Variants in UNC5D observed in about 807,000 individuals in gnomAD.
UNC5D encodes unc-5 netrin receptor D, also known as netrin receptor UNC5D.
UNC5D carries 39 observed loss-of-function variants against 105.4 expected under a neutral mutation model. That is an observed-to-expected ratio of 0.37 (90% CI 0.29 to 0.48). The LOEUF is 0.48. UNC5D is among the 20% of genes least tolerant of loss of function. UNC5D has a pLI of 0.98. For synonymous variants in UNC5D, 452 were observed against 450.4 expected, an observed-to-expected ratio of 1.00 and a Z score of -0.04; for missense variants, 991 against 1,202.4, an observed-to-expected ratio of 0.82 and a Z score of 2.60.
At chr8:35,298,555 C>T (rs1199230465) in intron 1 of UNC5D, among the ~76,000 whole-genome samples, 2 of 139,726 alleles carry the variant, frequency 1.4e-5, no homozygotes, top group Non-Finnish European at 3.1e-5. Flanking sequence ...AGATTGATTA[C>T]TTAGGCTTTT....
In UNC5D at chr8:35,372,017, G is replaced by A. The variant is rs551743463; in HGVS notation, c.103+136130G>A. On this transcript the variant is annotated intron_variant, in intron 1 of 16. Transcript: ENST00000404895. The stretch of plus-strand genomic sequence containing the variant: ...TCTTTGATCTTAGCCTCTGATCTGC[G>A]TCTAGCTACTCCCTGTACTTTTCCC... Among the ~76,000 whole-genome samples the A allele has an allele frequency of 3.3e-5, 5 of 152,086 alleles. 1 individual carries two copies. The highest frequency in any genetic ancestry group is 3.3e-4 in the Admixed American group (5 of 15,256).
chr8:35,337,728 T>A (rs1202077007), intron 1 of UNC5D, among the ~76,000 whole-genome samples: 3 of 151,974 alleles, frequency 2.0e-5, no homozygotes, highest in Non-Finnish European at 4.4e-5. Flanking sequence ...TCTATGCAAC[T>A]ATAGACTGAC....
At chr8:35,363,624 T>C (rs1160697433) in intron 1 of UNC5D, among the ~76,000 whole-genome samples, 1 of 152,254 alleles carries the variant, frequency 6.6e-6, no homozygotes, top group South Asian at 2.1e-4. Context: ...GGAGGCACAA[T>C]CTTAATTTGT....
intron 1 of UNC5D, among the ~76,000 whole-genome samples, chr8:35,457,913 A>AT (rs1402828834): frequency 6.6e-6 from 1 of 152,134 alleles, no homozygotes; most frequent in Non-Finnish European, 1.5e-5. Flanking sequence ...TTTCTACACA[A>AT]TCCCAAATGA....
At chr8:35,308,920 C>T (rs1451047470) in intron 1 of UNC5D, among the ~76,000 whole-genome samples, 3 of 152,048 alleles carry the variant, frequency 2.0e-5, no homozygotes, top group Admixed American at 6.6e-5. Context: ...AATCATCATG[C>T]TATGAAACTT....
chr8:35,745,883 C>CT (rs910532561), intron 11 of UNC5D, among the ~76,000 whole-genome samples: 8 of 151,844 alleles, frequency 5.3e-5, no homozygotes, highest in African/African-American at 1.2e-4. Context: ...AATGTGTTAC[C>CT]TTTTTTTTCC....
At chr8:35,569,664 A>G (rs757095122) in intron 3 of UNC5D, among the ~76,000 whole-genome samples, 2 of 152,186 alleles carry the variant, frequency 1.3e-5, no homozygotes. Context: ...TTAGCCAACA[A>G]TTATTTTATG....
intron 16 of UNC5D, among the ~76,000 whole-genome samples, chr8:35,775,918 G>A (rs56860408): frequency 0.04 from 6,145 of 152,254 alleles, 415 homozygotes; most frequent in African/African-American, 0.14. Context: ...GTTTGAAAAG[G>A]CATATATTGA....
chr8:35,666,144 T>C (rs1285318610), intron 4 of UNC5D, among the ~76,000 whole-genome samples: 1 of 152,066 alleles, frequency 6.6e-6, no homozygotes, highest in Admixed American at 6.6e-5. Context: ...TATGGTGGAA[T>C]GAGGGTTGCA....
At chr8:35,278,255 CTCA>C (rs1350838247) in intron 1 of UNC5D, among the ~76,000 whole-genome samples, 3 of 152,186 alleles carry the variant, frequency 2.0e-5, no homozygotes, top group African/African-American at 4.8e-5. Flanking sequence ...TCTGGCCACA[CTCA>C]TCAGCAGCCC....
chr8:35,268,574 G>A (rs1655106113), intron 1 of UNC5D, among the ~76,000 whole-genome samples: 1 of 151,914 alleles, frequency 6.6e-6, no homozygotes, highest in South Asian at 2.1e-4. Context: ...CAAAACTTTT[G>A]TGCCCTATTT....
At chr8:35,682,004 G>A (rs140482670) in intron 4 of UNC5D, among the ~76,000 whole-genome samples, 9,524 of 152,060 alleles carry the variant, frequency 0.063, 820 homozygotes, top group African/African-American at 0.19. Flanking sequence ...TCGCTCTGTC[G>A]CCCAGGCTGG....
intron 11 of UNC5D, among the ~76,000 whole-genome samples, chr8:35,747,649 T>C (rs971423135): frequency 1.3e-5 from 2 of 152,160 alleles, no homozygotes; most frequent in African/African-American, 4.8e-5. Context: ...GACATCTGGG[T>C]TCTTCTCGCT....
intron 1 of UNC5D, among the ~76,000 whole-genome samples, chr8:35,480,017 G>A (rs1453784844): frequency 6.6e-6 from 1 of 152,190 alleles, no homozygotes; most frequent in Non-Finnish European, 1.5e-5. Context: ...TCTATTGTGT[G>A]TTTCCAATGG....
intron 1 of UNC5D, among the ~76,000 whole-genome samples, chr8:35,305,448 C>G (rs1191457378): frequency 6.6e-6 from 1 of 152,050 alleles, no homozygotes; most frequent in Middle Eastern, 3.2e-3. Flanking sequence ...AGGAAATCAC[C>G]CCTCTGGAGG....
At chr8:35,411,840 A>G (rs973821089) in intron 1 of UNC5D, among the ~76,000 whole-genome samples, 1 of 151,914 alleles carries the variant, frequency 6.6e-6, no homozygotes, top group African/African-American at 2.4e-5. Context: ...TCCTTGCCAT[A>G]TTATATTTTT....
chr8:35,471,725 C>A (rs1218190729), intron 1 of UNC5D, among the ~76,000 whole-genome samples: 1 of 152,152 alleles, frequency 6.6e-6, no homozygotes, highest in Non-Finnish European at 1.5e-5. Context: ...CAGTAGACCA[C>A]AACCATTTCT....
At chr8:35,492,501 C>G (rs1229231011) in intron 1 of UNC5D, among the ~76,000 whole-genome samples, 1 of 151,968 alleles carries the variant, frequency 6.6e-6, no homozygotes, top group Admixed American at 6.6e-5. Flanking sequence ...GTATGTATGA[C>G]AAATGTGTAA....
At chr8:35,246,559 C>T (rs933894909) in intron 1 of UNC5D, among the ~76,000 whole-genome samples, 14 of 152,152 alleles carry the variant, frequency 9.2e-5, no homozygotes, top group Admixed American at 9.2e-4. Flanking sequence ...GTATGGGACC[C>T]CTCTTGCTAG....
Sources: gnomAD v4.1 joint callset for allele counts (sites outside exome capture counted in the v4.1 genomes callset) on GRCh38, gnomAD v4.1.1 for gene constraint, MANE v1.5 for transcripts, NCBI Gene and HGNC (gene_info 2026-07-23, HGNC 2026-07-21) for gene names.